The following INPP5A variants were observed in gnomAD, a reference collection of about 807,000 sequenced individuals.
The protein encoded by INPP5A is inositol polyphosphate-5-phosphatase A.
INPP5A carries 14 observed loss-of-function variants against 65.2 expected under a neutral mutation model. That is an observed-to-expected ratio of 0.21 (90% CI 0.14 to 0.34). The LOEUF is 0.34. Among genes scored for constraint, INPP5A ranks in the 10% least tolerant of loss-of-function variants. The pLI, the probability that INPP5A is intolerant of heterozygous loss-of-function variation, is 1.00. For missense variants in INPP5A, 431 were observed against 545.6 expected, an observed-to-expected ratio of 0.79 and a Z score of 2.09; for synonymous variants, 207 against 208.3, an observed-to-expected ratio of 0.99 and a Z score of 0.05.
rs376635680 is a variant in INPP5A, at chr10:132,775,216, G to GA, written c.978-2455_978-2454insA. On this transcript the variant is annotated intron_variant, in intron 12 of 15. Transcript: ENST00000368594. Reference sequence around the variant, plus strand: ...AGGGGCAGGGAGGAGAGGGGGCAGGGGGAGGGGCAGGGGGAGGGGCAGTGC... The same window carrying GA: ...AGGGGCAGGGAGGAGAGGGGGCAGGGAGGAGGGGCAGGGGGAGGGGCAGTGC... 1.9e-3 allele frequency among the ~76,000 whole-genome samples: 234 copies of GA among 120,916 alleles called. 2 individuals carry two copies. Among genetic ancestry groups the GA allele is most frequent in the Middle Eastern group, 0.01 (2 of 196 alleles). 79.3% of individuals were successfully genotyped at this position (120,916 alleles called of 152,430 possible).
intron 2 of INPP5A, among the ~76,000 whole-genome samples, chr10:132,623,981 A>AT (rs1160730144): frequency 6.6e-6 from 1 of 152,222 alleles, no homozygotes; most frequent in East Asian, 1.9e-4. Flanking sequence ...CTAAAATTCA[A>AT]TTGGCTGTAA....
Position 132,678,912 on chromosome 10 carries a change from A to C in INPP5A, c.307-11480A>C, listed in dbSNP as rs1429505592. Among the ~76,000 whole-genome samples, 1 of 152,030 alleles carries C rather than the reference A, an allele frequency of 6.6e-6. No homozygotes were observed. The highest frequency in any genetic ancestry group is 2.1e-4 in the South Asian group (1 of 4,802). Reference sequence around the variant, plus strand: ...CTGGAAAAGGGGAGGCAGCAGAGGTACCCTCCTGACAGAAGGGCGCAGCCT... The same window carrying C: ...CTGGAAAAGGGGAGGCAGCAGAGGTCCCCTCCTGACAGAAGGGCGCAGCCT... On this transcript the variant is annotated intron_variant, in intron 4 of 15. Coordinates refer to ENST00000368594, the MANE Select transcript of INPP5A (RefSeq NM_005539.5). This position sits in a 1 kb window ranked among gnomAD's most constrained non-coding sequence, Gnocchi z 4.1.
In INPP5A at chr10:132,781,932, C is replaced by T. The variant is rs374406901; in HGVS notation, c.1230C>T (p.Val410=). ...KPHAHVHKCC[V]VQ is the part of the protein sequence containing the mutation. ...ATGCCCATGTGCACAAGTGTTGTGT[C>T]GTGCAGTGACGTGGTGGTAAATATG... is the stretch of plus-strand genomic sequence containing the variant. Residue 410 remains valine, a synonymous_variant, in exon 15 of 16, where the codon GTC becomes GTT. Transcript: ENST00000368594. The T allele has an allele frequency of 9.9e-6, 16 of 1,613,668 alleles. No homozygotes were observed. The highest frequency in any genetic ancestry group is 2.7e-5 in the African/African-American group (2 of 75,040).
intron 1 of INPP5A, among the ~76,000 whole-genome samples, chr10:132,599,162 A>G (rs2071746296): frequency 6.6e-6 from 1 of 152,118 alleles, no homozygotes; most frequent in South Asian, 2.1e-4. Flanking sequence ...TGCAGCATTA[A>G]CCCAAAAGTC....
At position 132,538,189 on chromosome 10, in the gene INPP5A, G is replaced by A; in HGVS notation, c.75+18G>A. The A allele has an allele frequency of 7.9e-7, 1 of 1,268,996 alleles. No individual in the cohort carries two copies. Among genetic ancestry groups the A allele is most frequent in the South Asian group, 2.7e-5 (1 of 36,882 alleles). The allele number at this position is 1,268,996 out of a possible 1,614,324, so 78.6% of individuals were successfully genotyped here. A position where few individuals can be genotyped will look rare whatever the true frequency, so the allele number is the denominator to read the frequency against. The stretch of plus-strand genomic sequence containing the variant: ...TCGACGACGTAAGTCCCCCGTGCCG[G>A]CGGCAGGCCCCAAGCCCGGAACCCC... On this transcript the variant is annotated intron_variant, in intron 1 of 15. Transcript: ENST00000368594. This position sits in a 1 kb window ranked among gnomAD's most constrained non-coding sequence, Gnocchi z 4.1.
intron 4 of INPP5A, among the ~76,000 whole-genome samples, chr10:132,686,249 G>A (rs932580147): frequency 2.6e-5 from 4 of 152,236 alleles, no homozygotes; most frequent in African/African-American, 7.2e-5. Context: ...CGTGGCCTCC[G>A]GGGGCTGGAG....
At chr10:132,773,008 G>A (rs36090389) in intron 12 of INPP5A, among the ~76,000 whole-genome samples, 15,923 of 152,254 alleles carry the variant, frequency 0.1, 1,043 homozygotes, top group South Asian at 0.18. Context: ...TTGCACAGGT[G>A]GAGAGGACGC....
chr10:132,549,205 A>T lies in INPP5A; in HGVS notation c.75+11034A>T, dbSNP rs1487756389. 6.6e-6 allele frequency among the ~76,000 whole-genome samples: 1 copy of T among 152,036 alleles called. No individual in the cohort carries two copies. Among genetic ancestry groups the T allele is most frequent in the Non-Finnish European group, 1.5e-5 (1 of 68,008 alleles). The stretch of plus-strand genomic sequence containing the variant: ...TATCGTGGCTAGTGTACTGTTTGTG[A>T]ATATGCACGTGCCTGTGTGGACGAG... On this transcript the variant is annotated intron_variant, in intron 1 of 15. Coordinates refer to ENST00000368594, the MANE Select transcript of INPP5A (RefSeq NM_005539.5). This position sits in a 1 kb window ranked among gnomAD's most constrained non-coding sequence, Gnocchi z 4.9.
At chr10:132,713,664 A>G (rs1385100015) in intron 8 of INPP5A, among the ~76,000 whole-genome samples, 5 of 152,134 alleles carry the variant, frequency 3.3e-5, no homozygotes, top group African/African-American at 9.7e-5. Context: ...GAGGGTGGCA[A>G]CTGCGAGGCC....
At chr10:132,612,485 C>T (rs1590868075) in intron 2 of INPP5A, among the ~76,000 whole-genome samples, 2 of 144,434 alleles carry the variant, frequency 1.4e-5, no homozygotes, top group East Asian at 4.1e-4. Flanking sequence ...TGCAGGTGCC[C>T]TGTTTTGGGG....
At position 132,706,069 on chromosome 10, in the gene INPP5A, C is replaced by T. The variant is rs1186258652; in HGVS notation, c.475-2244C>T. ...CAAGAAAAGGGAATATGAAGAGGAG[C>T]CTGTAGAAACATTAAACATTCTGCA... On this transcript the variant is annotated intron_variant, in intron 6 of 15. Coordinates refer to ENST00000368594, the MANE Select transcript of INPP5A (RefSeq NM_005539.5). The surrounding 1 kb of genome is among the most constrained non-coding windows in gnomAD (Gnocchi z 4.7). Among the ~76,000 whole-genome samples the T allele has an allele frequency of 6.6e-6, 1 of 152,128 alleles. No individual in the cohort carries two copies. Among genetic ancestry groups the T allele is most frequent in the Non-Finnish European group, 1.5e-5 (1 of 68,038 alleles).
chr10:132,727,157 T>C lies in INPP5A; in HGVS notation c.732+252T>C. The C allele has an allele frequency of 2.8e-6, 1 of 355,882 alleles. No individual in the cohort carries two copies. The highest frequency in any genetic ancestry group is 5.1e-6 in the Non-Finnish European group (1 of 195,396). The allele number at this position is 355,882 out of a possible 1,614,324, so 22.0% of individuals were successfully genotyped here. A position where few individuals can be genotyped will look rare whatever the true frequency, so the allele number is the denominator to read the frequency against. On this transcript the variant is annotated intron_variant, in intron 9 of 15. Transcript: ENST00000368594. The surrounding 1 kb of genome is among the most constrained non-coding windows in gnomAD (Gnocchi z 6.5). The stretch of plus-strand genomic sequence containing the variant: ...GACAGTGCTGTGGGGCTTTGCCCTG[T>C]GGCTTCCGCCGTCGGCACACAAGGA...
chr10:132,544,821 C>T (rs935124444), intron 1 of INPP5A, among the ~76,000 whole-genome samples: 2 of 151,990 alleles, frequency 1.3e-5, no homozygotes, highest in Non-Finnish European at 2.9e-5. Flanking sequence ...TGAGAACGGC[C>T]GGCGGTGTTC....
intron 8 of INPP5A, among the ~76,000 whole-genome samples, chr10:132,711,188 C>A (rs909195712): frequency 6.6e-6 from 1 of 152,204 alleles, no homozygotes; most frequent in South Asian, 2.1e-4. Context: ...CCTCCACCTG[C>A]GCCTGGGCCC....
At chr10:132,703,525 T>A (rs1845473137) in intron 6 of INPP5A, among the ~76,000 whole-genome samples, 1 of 108,484 alleles carries the variant, frequency 9.2e-6, no homozygotes, top group African/African-American at 3.7e-5. Context: ...ACACACACAC[T>A]CACATTTACC....
At chr10:132,646,022 C>A in intron 3 of INPP5A, 54 bp downstream of exon 3, 2 of 1,210,104 alleles carry the variant, frequency 1.7e-6, no homozygotes, top group Non-Finnish European at 1.2e-6. Context: ...GTGTGGGGTG[C>A]CGGCGGGGGT....
intron 2 of INPP5A, among the ~76,000 whole-genome samples, chr10:132,626,811 C>G (rs1375227409): frequency 6.6e-6 from 1 of 152,216 alleles, no homozygotes; most frequent in Non-Finnish European, 1.5e-5. Flanking sequence ...TGGGAGGCCC[C>G]TTGTTGGCTC....
intron 2 of INPP5A, among the ~76,000 whole-genome samples, chr10:132,635,953 G>A (rs549471372): frequency 4.0e-5 from 6 of 149,858 alleles, no homozygotes; most frequent in Non-Finnish European, 5.9e-5. Context: ...ACTTCAGCCT[G>A]GGTGACAGAG....
chr10:132,622,340 A>G (rs1240107873), intron 2 of INPP5A, among the ~76,000 whole-genome samples: 3 of 149,988 alleles, frequency 2.0e-5, no homozygotes, highest in African/African-American at 7.4e-5. Context: ...AGACTCAGTT[A>G]CGCTGACGTG....
Sources: gnomAD v4.1 joint callset for allele counts (sites outside exome capture counted in the v4.1 genomes callset) on GRCh38, gnomAD v4.1.1 for gene constraint, Gnocchi (gnomAD v3.1) non-coding constraint, MANE v1.5 for transcripts, NCBI Gene and HGNC (gene_info 2026-07-23, HGNC 2026-07-21) for gene names.